Variants in DGKZ observed in about 807,000 individuals in gnomAD.
DGKZ encodes the protein diacylglycerol kinase zeta, also known as DAG kinase zeta.
A neutral mutation model predicts 142.5 loss-of-function variants in DGKZ; 45 were observed. The ratio of observed to expected loss-of-function variants is 0.32; its 90% CI spans 0.25 to 0.40. DGKZ has a LOEUF of 0.40. Ranked by LOEUF, DGKZ falls within the 10% of genes least tolerant of loss-of-function variation. DGKZ has a pLI of 1.00. For missense variants in DGKZ, 755 were observed against 1,306.5 expected (o/e 0.58, Z 6.51); for synonymous variants, 442 against 527.0 (o/e 0.84, Z 2.21).
chr11:46,343,054 G>T (rs7102330), upstream of DGKZ, among the ~76,000 whole-genome samples: 3,385 of 152,014 alleles, frequency 0.022, 79 homozygotes, highest in South Asian at 0.13. Context: ...AACCTGGGAG[G>T]CAGAGGATGT....
rs745652061 is a variant in DGKZ at position 46,367,325 on chromosome 11, G to GC, written c.203dup (p.Pro69SerfsTer86). 16 of 1,612,546 alleles carry GC rather than the reference G, an allele frequency of 9.9e-6. 1 individual carries two copies. The highest frequency in any genetic ancestry group is 1.7e-5 in the Admixed American group (1 of 59,966). Reference sequence around the variant, plus strand: ...CACCAAGTCGGGCCTCCAGCACCTGGCCCCCCCTCCGCCCACCCCTGGGGC... The same window carrying GC: ...CACCAAGTCGGGCCTCCAGCACCTGGCCCCCCCCTCCGCCCACCCCTGGGGC... On this transcript the variant is annotated frameshift_variant, in exon 2 of 31. Transcript: ENST00000527911. LOFTEE classifies it high-confidence loss of function. This position sits in a 1 kb window ranked among gnomAD's most constrained non-coding sequence, Gnocchi z 4.1.
chr11:46,347,964 C>A lies in DGKZ; in HGVS notation c.161+144C>A. ...GAGAGGCTGGCACCGGCGGCACGAG[C>A]CGTCTTGGCGTGGGCACCCACTGGG... On this transcript the variant is annotated intron_variant, in intron 1 of 30. Transcript: ENST00000527911. This position sits in a 1 kb window ranked among gnomAD's most constrained non-coding sequence, Gnocchi z 6.4. 1 of 1,204,714 alleles carries A rather than the reference C, an allele frequency of 8.3e-7. No homozygotes were observed. The highest frequency in any genetic ancestry group is 1.1e-6 in the Non-Finnish European group (1 of 952,232). 74.6% of individuals were successfully genotyped at this position (1,204,714 alleles called of 1,614,324 possible). A position where few individuals can be genotyped will look rare whatever the true frequency, so the allele number is the denominator to read the frequency against.
At chr11:46,375,345 A>G in intron 19 of DGKZ, 87 bp from the exon 20 acceptor site, 3 of 1,407,132 alleles carry the variant, frequency 2.1e-6, no homozygotes, top group Non-Finnish European at 2.9e-6. Context: ...TTCTCTGGCT[A>G]GAGTTTCTGC....
upstream of DGKZ, chr11:46,345,382 C>T (rs1043593890): frequency 1.6e-5 from 22 of 1,409,286 alleles, no homozygotes; most frequent in African/African-American, 1.2e-4. This position sits in a 1 kb window ranked among gnomAD's most constrained non-coding sequence, Gnocchi z 4.1. Context: ...CAGGAAGTGC[C>T]GAAAGAGGAA....
In DGKZ at chr11:46,372,178, C is replaced by T. The variant is rs370190805; in HGVS notation, c.927+8C>T. The T allele has an allele frequency of 6.0e-5, 96 of 1,599,374 alleles. No homozygotes were observed. The highest frequency in any genetic ancestry group is 7.3e-5 in the Non-Finnish European group (86 of 1,171,430). On this transcript the variant is annotated splice_region_variant and intron_variant, in intron 10 of 30. Transcript: ENST00000527911. The surrounding 1 kb of genome is among the most constrained non-coding windows in gnomAD (Gnocchi z 5.9). ...AAGAGTGGGGGCAACCAGGTGAACGCGGCCTTGCCTCTCAGCTAAGGGCTC... is the reference window on the plus strand; with the variant it reads ...AAGAGTGGGGGCAACCAGGTGAACGTGGCCTTGCCTCTCAGCTAAGGGCTC...
At position 46,347,957 on chromosome 11, in the gene DGKZ, G is replaced by T; in HGVS notation, c.161+137G>T. The T allele has an allele frequency of 8.3e-7, 1 of 1,211,338 alleles. No individual in the cohort carries two copies. The highest frequency in any genetic ancestry group is 1.0e-6 in the Non-Finnish European group (1 of 959,004). 75.0% of individuals were successfully genotyped at this position (1,211,338 alleles called of 1,614,324 possible). ...AGTCGGGGAGAGGCTGGCACCGGCG[G>T]CACGAGCCGTCTTGGCGTGGGCACC... On this transcript the variant is annotated intron_variant, in intron 1 of 30. Transcript: ENST00000527911. The surrounding 1 kb of genome is among the most constrained non-coding windows in gnomAD (Gnocchi z 6.4).
rs1042326328 is a variant in DGKZ, at chr11:46,366,908, C to T, written c.162-383C>T. ...CGGCACCATGCTGCCCACCCGTGTG[C>T]GCCCACTGTCCCGCAGGCGCCAGGT... On this transcript the variant is annotated intron_variant, in intron 1 of 30. Transcript: ENST00000527911. The T allele has an allele frequency of 1.9e-5, 29 of 1,546,702 alleles. No individual in the cohort carries two copies. In the Admixed American group the frequency reaches 1.9e-4, roughly 10 times the overall value.
intron 23 of DGKZ, 59 bp from the exon 24 acceptor site, chr11:46,376,465 C>T (rs769429899): frequency 1.9e-6 from 3 of 1,613,784 alleles, no homozygotes; most frequent in Admixed American, 3.3e-5. Flanking sequence ...GTAGGGGCAG[C>T]AGAGGACCTG....
intron 25 of DGKZ, chr11:46,377,904 C>CCT (rs1483258903): frequency 7.5e-5 from 38 of 507,198 alleles, no homozygotes; most frequent in African/African-American, 6.6e-4. Flanking sequence ...CCCAGGACCC[C>CCT]CTCTGCAGGG....
At chr11:46,333,389 C>G in exon 1 of DGKZ, 10 of 1,430,778 alleles carry the variant, frequency 7.0e-6, no homozygotes, top group African/African-American at 1.5e-5. Flanking sequence ...AGGCCCAGGT[C>G]GCGCAGCCCT....
chr11:46,346,388 C>G (rs1311031602), upstream of DGKZ, among the ~76,000 whole-genome samples: 1 of 109,226 alleles, frequency 9.2e-6, no homozygotes, highest in Non-Finnish European at 2.1e-5. Context: ...CCTGGCCTCC[C>G]TTCGTCAGCC....
chr11:46,344,928 A>G (rs1940476794), upstream of DGKZ, among the ~76,000 whole-genome samples: 3 of 152,164 alleles, frequency 2.0e-5, no homozygotes, highest in South Asian at 6.2e-4. Context: ...AACAGGACAC[A>G]TGCTCATGTC....
intron 15 of DGKZ, 54 bp from the exon 16 acceptor site, chr11:46,374,345 C>T: frequency 6.2e-7 from 1 of 1,613,342 alleles, no homozygotes; most frequent in East Asian, 2.2e-5. Flanking sequence ...TCCCCCAACC[C>T]CACCTGGGCA....
At position 46,368,064 on chromosome 11, in the gene DGKZ, C is replaced by G. The variant is rs761651978; in HGVS notation, c.429C>G (p.Ile143Met). ...AGATTGTGGTGCACACGCCCTGCAT[C>G]GAGCAGCTGGAGAAGGTGGGTGGGT... The change falls in exon 4 of 31, where the codon ATC becomes ATG. Residue 143 changes from isoleucine (I) to methionine (M), a missense_variant. This residue lies in a region of DGKZ where 142 missense variants were observed against 244.4 expected (regional missense o/e 0.58). Coordinates refer to ENST00000527911, the Ensembl canonical transcript of DGKZ. 13 of 1,613,964 alleles carry G rather than the reference C, an allele frequency of 8.1e-6. No individual in the cohort carries two copies. In the South Asian group the frequency reaches 1.1e-4, roughly 14 times the overall value.
At position 46,347,897 on chromosome 11, in the gene DGKZ, C is replaced by T. The variant is rs1046597388; in HGVS notation, c.161+77C>T. On this transcript the variant is annotated intron_variant, in intron 1 of 30. Transcript: ENST00000527911. The surrounding 1 kb of genome is among the most constrained non-coding windows in gnomAD (Gnocchi z 6.4). ...CCCTCACCGGGGGACATTCCTCGGC[C>T]ACTGGGGGTCCGGGCCACTTCGGTA... The T allele has an allele frequency of 7.9e-7, 1 of 1,264,494 alleles. No homozygotes were observed. Among genetic ancestry groups the T allele is most frequent in the South Asian group, 2.6e-5 (1 of 39,168 alleles). 78.3% of individuals were successfully genotyped at this position (1,264,494 alleles called of 1,614,324 possible).
In DGKZ at chr11:46,369,866, AGCCG is replaced by A. The variant is rs900759903; in HGVS notation, c.502-74_502-71del. The A allele has an allele frequency of 1.3e-5, 19 of 1,515,510 alleles. No homozygotes were observed. In the African/African-American group the frequency reaches 2.1e-4, roughly 16 times the overall value. 93.9% of individuals were successfully genotyped at this position (1,515,510 alleles called of 1,614,324 possible). A position where few individuals can be genotyped will look rare whatever the true frequency, so the allele number is the denominator to read the frequency against. On this transcript the variant is annotated intron_variant, in intron 5 of 30. Coordinates refer to ENST00000527911, the Ensembl canonical transcript of DGKZ. ...GCGCTTCCTGCAGCCCCGTGTGTTG[AGCCG>A]TGTGGGCAGTCCTCAGGACTGTGCC... is the stretch of plus-strand genomic sequence containing the variant.
chr11:46,344,523 G>T (rs570909768), upstream of DGKZ, among the ~76,000 whole-genome samples: 1 of 147,278 alleles, frequency 6.8e-6, no homozygotes, highest in African/African-American at 2.5e-5. Context: ...GCGCGAACTC[G>T]GCTCATCACA....
rs12575569 is a variant in DGKZ at position 46,373,612 on chromosome 11, G to A, written c.1326+511G>A. Among the ~76,000 whole-genome samples the A allele has an allele frequency of 7.5e-3, 1,130 of 149,724 alleles. 109 individuals are homozygous for A. In the East Asian group the frequency reaches 0.18, roughly 24 times the overall value. On this transcript the variant is annotated intron_variant, in intron 14 of 30. Coordinates refer to ENST00000527911, the Ensembl canonical transcript of DGKZ. Reference sequence around the variant, plus strand: ...TCCCGGGCTCAAGCTATTCTCCTCCGTCAGCCTCCTGAGTAGCTGGGACTA... The same window carrying A: ...TCCCGGGCTCAAGCTATTCTCCTCCATCAGCCTCCTGAGTAGCTGGGACTA...
At chr11:46,360,506 G>C (rs752534312) in intron 1 of DGKZ, among the ~76,000 whole-genome samples, 24 of 148,866 alleles carry the variant, frequency 1.6e-4, no homozygotes, top group Non-Finnish European at 2.5e-4. Context: ...AAAAAAAAAA[G>C]GCTGGGTGCG....
Sources: allele counts gnomAD v4.1 joint callset (sites outside exome capture counted in the v4.1 genomes callset), GRCh38; gene constraint gnomAD v4.1.1; regional missense constraint gnomAD v4.1.1; non-coding constraint Gnocchi (gnomAD v3.1); transcripts MANE v1.5; gene names NCBI Gene and HGNC (gene_info 2026-07-23, HGNC 2026-07-21).